Variants in DPP10 observed in about 807,000 individuals in gnomAD.
DPP10 encodes inactive dipeptidyl peptidase 10.
DPP10 carries 33 observed loss-of-function variants against 120.9 expected under a neutral mutation model. The ratio of observed to expected loss-of-function variants is 0.27; its 90% CI spans 0.21 to 0.37. The LOEUF (loss-of-function observed/expected upper bound fraction) is 0.37, where lower values mean the gene tolerates loss of function less well. DPP10 is among the 10% of genes least tolerant of loss of function. The pLI is 1.00. For missense variants in DPP10, 816 were observed against 942.8 expected, an observed-to-expected ratio of 0.87 and a Z score of 1.76; for synonymous variants, 337 against 326.1, an observed-to-expected ratio of 1.03 and a Z score of -0.36.
chr2:115,813,780 T>C (rs1686926693), intron 19 of DPP10, among the ~76,000 whole-genome samples: 1 of 152,182 alleles, frequency 6.6e-6, no homozygotes, highest in Non-Finnish European at 1.5e-5. Flanking sequence ...GATTTGTGTA[T>C]TTGGGGCTTC....
intron 1 of DPP10, among the ~76,000 whole-genome samples, chr2:115,214,929 T>A (rs1325062174): frequency 6.6e-6 from 1 of 152,212 alleles, no homozygotes; most frequent in Non-Finnish European, 1.5e-5. Flanking sequence ...ACATCTTGCC[T>A]TTCCTGAGCT....
intron 1 of DPP10, among the ~76,000 whole-genome samples, chr2:115,049,032 A>G (rs185566924): frequency 7.9e-5 from 12 of 152,206 alleles, no homozygotes; most frequent in Non-Finnish European, 1.8e-4. Context: ...TTTTTAAAAT[A>G]TTTTTAAATG....
intron 5 of DPP10, among the ~76,000 whole-genome samples, chr2:115,660,263 T>C (rs1043959226): frequency 6.6e-6 from 1 of 152,234 alleles, no homozygotes; most frequent in African/African-American, 2.4e-5. Flanking sequence ...TCCCCCTCTC[T>C]GTTTCACCTG....
At position 115,149,333 on chromosome 2, in the gene DPP10, T is replaced by C. The variant is rs569368797; in HGVS notation, c.61-159906T>C. On this transcript the variant is annotated intron_variant, in intron 1 of 25. Coordinates refer to ENST00000410059, the MANE Select transcript of DPP10 (RefSeq NM_020868.6). Reference sequence around the variant, plus strand: ...AGCTCAAATAATTTCATATGTAAGGTAATTCTTCCTTTCACCTACAATTTG... The same window carrying C: ...AGCTCAAATAATTTCATATGTAAGGCAATTCTTCCTTTCACCTACAATTTG... 4.6e-5 allele frequency among the ~76,000 whole-genome samples: 7 copies of C among 152,334 alleles called. No individual in the cohort carries two copies. In the South Asian group the frequency reaches 1.5e-3, roughly 32 times the overall value.
intron 5 of DPP10, among the ~76,000 whole-genome samples, chr2:115,665,867 C>T (rs2089412471): frequency 6.6e-6 from 1 of 151,630 alleles, no homozygotes; most frequent in Non-Finnish European, 1.5e-5. Context: ...TTTCCATTTC[C>T]AGCATTTCTT....
intron 1 of DPP10, among the ~76,000 whole-genome samples, chr2:114,836,805 G>A (rs1402075720): frequency 6.6e-6 from 1 of 152,112 alleles, no homozygotes; most frequent in African/African-American, 2.4e-5. Flanking sequence ...CACCCAAGGG[G>A]GCCAATTTAG....
intron 1 of DPP10, among the ~76,000 whole-genome samples, chr2:115,195,635 T>C (rs1414441584): frequency 6.6e-6 from 1 of 152,232 alleles, no homozygotes; most frequent in Non-Finnish European, 1.5e-5. Flanking sequence ...TATTATTACT[T>C]TTTTTGTAAT....
At chr2:115,165,057 C>G (rs1273488834) in intron 1 of DPP10, among the ~76,000 whole-genome samples, 1 of 152,188 alleles carries the variant, frequency 6.6e-6, no homozygotes, top group South Asian at 2.1e-4. Flanking sequence ...ACAATCATTT[C>G]TTAACATGAT....
chr2:114,715,378 A>C (rs1402889897), intron 1 of DPP10, among the ~76,000 whole-genome samples: 1 of 152,194 alleles, frequency 6.6e-6, no homozygotes, highest in African/African-American at 2.4e-5. Flanking sequence ...AAGAGGTTCA[A>C]ATAAGCAAGG....
chr2:114,663,028 A>C (rs555835148), intron 1 of DPP10, among the ~76,000 whole-genome samples: 3 of 152,206 alleles, frequency 2.0e-5, no homozygotes, highest in Admixed American at 2.0e-4. Context: ...TAGGTTTGTA[A>C]GGTACTGTTT....
intron 1 of DPP10, among the ~76,000 whole-genome samples, chr2:114,851,922 GT>G (rs1295184153): frequency 6.6e-6 from 1 of 151,958 alleles, no homozygotes; most frequent in Non-Finnish European, 1.5e-5. Context: ...TTCTCTTGGA[GT>G]TTTTTTCATG....
chr2:115,190,448 C>A (rs1308797593), intron 1 of DPP10, among the ~76,000 whole-genome samples: 1 of 152,088 alleles, frequency 6.6e-6, no homozygotes, highest in African/African-American at 2.4e-5. Context: ...CAGCAAGAGT[C>A]CCCCGCAATA....
intron 1 of DPP10, among the ~76,000 whole-genome samples, chr2:114,445,213 A>G (rs1436159742): frequency 6.6e-6 from 1 of 152,122 alleles, no homozygotes; most frequent in Non-Finnish European, 1.5e-5. Context: ...TCAATTTACT[A>G]TCAGATAATT....
intron 1 of DPP10, among the ~76,000 whole-genome samples, chr2:114,635,027 A>G (rs903820522): frequency 4.6e-5 from 7 of 151,944 alleles, no homozygotes; most frequent in Non-Finnish European, 8.8e-5. Flanking sequence ...TCAATATTTT[A>G]GTGGAAAAGA....
chr2:114,473,223 T>G (rs964822652), intron 1 of DPP10, among the ~76,000 whole-genome samples: 18 of 152,174 alleles, frequency 1.2e-4, no homozygotes, highest in Admixed American at 4.6e-4. Flanking sequence ...TTTAAGAGCA[T>G]GAAAAAATAA....
At chr2:114,876,992 T>C (rs1691215908) in intron 1 of DPP10, among the ~76,000 whole-genome samples, 1 of 151,930 alleles carries the variant, frequency 6.6e-6, no homozygotes, top group African/African-American at 2.4e-5. Flanking sequence ...TTCTAAGTTT[T>C]AAAAAATGTT....
At chr2:115,380,741 A>G (rs2066261486) in intron 3 of DPP10, among the ~76,000 whole-genome samples, 1 of 152,076 alleles carries the variant, frequency 6.6e-6, no homozygotes, top group Non-Finnish European at 1.5e-5. Context: ...CTTTTAGGGC[A>G]GGCCTGGTGG....
In DPP10 at chr2:115,785,639, G is replaced by A. The variant is rs911401788; in HGVS notation, c.1531+3240G>A. ...TGTGGGCATAGCGGCACTCATAATA[G>A]TCTCTGAAGGCTTTTTGTATTTCCA... On this transcript the variant is annotated intron_variant, in intron 17 of 25. Coordinates refer to ENST00000410059, the MANE Select transcript of DPP10 (RefSeq NM_020868.6). Among the ~76,000 whole-genome samples, 85 of 152,128 alleles carry A rather than the reference G, an allele frequency of 5.6e-4. 2 individuals carry two copies. The highest frequency in any genetic ancestry group is 2.0e-3 in the African/African-American group (82 of 41,426).
Position 114,556,499 on chromosome 2 carries a change from A to C in DPP10, c.60+113661A>C, listed in dbSNP as rs549715073. 2.6e-5 allele frequency among the ~76,000 whole-genome samples: 4 copies of C among 152,080 alleles called. No homozygotes were observed. The East Asian group carries it at 7.8e-4, about 30-fold the overall frequency. On this transcript the variant is annotated intron_variant, in intron 1 of 25. Transcript: ENST00000410059. The stretch of plus-strand genomic sequence containing the variant: ...AGTGAAGAGGGAATTTGGAGGACAC[A>C]AGTAAATAAATAGCTCAGTGTGAGC...
Sources: gnomAD v4.1 joint callset for allele counts (sites outside exome capture counted in the v4.1 genomes callset) on GRCh38, gnomAD v4.1.1 for gene constraint, MANE v1.5 for transcripts, NCBI Gene and HGNC (gene_info 2026-07-23, HGNC 2026-07-21) for gene names.